Variants in CFAP53 observed in about 807,000 individuals in gnomAD.
CFAP53 encodes cilia- and flagella-associated protein 53.
Under a neutral mutation model 59.7 loss-of-function variants are expected in CFAP53, and 62 were observed. The observed-to-expected ratio is 1.04, with a 90% CI of 0.85 to 1.28. The LOEUF (loss-of-function observed/expected upper bound fraction) is 1.28, where lower values mean the gene tolerates loss of function less well. Ranked by LOEUF, CFAP53 falls within the 50% of genes most tolerant of loss-of-function variation. The pLI is 0.00. For synonymous variants in CFAP53, 218 were observed against 205.7 expected, an observed-to-expected ratio of 1.06 and a Z score of -0.51; for missense variants, 629 against 615.6, an observed-to-expected ratio of 1.02 and a Z score of -0.23.
intron 5 of CFAP53, among the ~76,000 whole-genome samples, chr18:50,249,532 AAAAAAG>A (rs1411741634): frequency 7.9e-5 from 12 of 152,110 alleles, no homozygotes; most frequent in African/African-American, 2.9e-4. Flanking sequence ...AAAAATTAAA[AAAAAAG>A]AAAAAGAAAA....
intron 7 of CFAP53, among the ~76,000 whole-genome samples, chr18:50,234,291 T>C (rs531965531): frequency 6.6e-6 from 1 of 152,354 alleles, no homozygotes; most frequent in South Asian, 2.1e-4. Context: ...TATATAGGAA[T>C]AGGGGTTGAG....
chr18:50,252,394 G>A (rs2033809902), intron 3 of CFAP53, among the ~76,000 whole-genome samples: 3 of 151,686 alleles, frequency 2.0e-5, no homozygotes, highest in African/African-American at 4.8e-5. Flanking sequence ...GTGAGCCACC[G>A]TACCCAGCTG....
At chr18:50,240,475 G>A (rs150307815) in intron 6 of CFAP53, among the ~76,000 whole-genome samples, 20 of 152,284 alleles carry the variant, frequency 1.3e-4, no homozygotes, top group African/African-American at 3.8e-4. Context: ...AGCCAATAGC[G>A]GAATGACACA....
chr18:50,266,173 G>A lies in CFAP53; in HGVS notation c.69+163C>T, dbSNP rs374546150. Reference sequence around the variant, plus strand: ...TGGGTGAGAGGTGGGGTAGATAGGTGAGCGACCTTATCTTCCTTCTTTCAA... The same window carrying A: ...TGGGTGAGAGGTGGGGTAGATAGGTAAGCGACCTTATCTTCCTTCTTTCAA... On this transcript the variant is annotated intron_variant, in intron 1 of 7. Coordinates refer to ENST00000398545, the MANE Select transcript of CFAP53 (RefSeq NM_145020.5). Among the ~76,000 whole-genome samples the A allele has an allele frequency of 8.5e-5, 13 of 152,348 alleles. No homozygotes were observed. The East Asian group carries it at 9.6e-4, about 11-fold the overall frequency.
At chr18:50,232,932 A>G (rs577274626) in intron 7 of CFAP53, among the ~76,000 whole-genome samples, 2 of 152,196 alleles carry the variant, frequency 1.3e-5, no homozygotes, top group Non-Finnish European at 1.5e-5. Flanking sequence ...AAAGGGAAAG[A>G]CAGTTTCTAA....
Position 50,250,777 on chromosome 18 carries a change from T to A in CFAP53, c.977A>T (p.Asp326Val). ...RALQDLQEEA[D>V]KKKQKREDMI... ...TCTTACTCTTTTTTGTTTCTTTTTA[T>A]CTGCCTCTTCCTGTAAGTCTTGAAG... Residue 326 changes from aspartate to valine, a missense_variant, in exon 5 of 8, where the codon GAT becomes GTT. Transcript: ENST00000398545. The A allele has an allele frequency of 6.2e-7, 1 of 1,614,154 alleles. No individual in the cohort carries two copies. Among genetic ancestry groups the A allele is most frequent in the Non-Finnish European group, 8.5e-7 (1 of 1,180,004 alleles).
chr18:50,233,427 G>A (rs1568150326), intron 7 of CFAP53, among the ~76,000 whole-genome samples: 1 of 152,100 alleles, frequency 6.6e-6, no homozygotes, highest in Non-Finnish European at 1.5e-5. Context: ...CTTTTATAAG[G>A]GAGGTAGTTT....
chr18:50,246,980 G>A (rs1165097094), intron 5 of CFAP53, among the ~76,000 whole-genome samples: 1 of 151,964 alleles, frequency 6.6e-6, no homozygotes, highest in Non-Finnish European at 1.5e-5. Context: ...CCTGGGAGGT[G>A]GAGGTTGCAG....
intron 3 of CFAP53, among the ~76,000 whole-genome samples, chr18:50,259,647 A>C (rs745760526): frequency 1.3e-5 from 2 of 152,116 alleles, no homozygotes; most frequent in Non-Finnish European, 2.9e-5. Context: ...TGGCCAGACC[A>C]GTCTTGAACT....
chr18:50,243,618 A>G (rs1223332879), intron 5 of CFAP53, among the ~76,000 whole-genome samples: 1 of 152,088 alleles, frequency 6.6e-6, no homozygotes, highest in Non-Finnish European at 1.5e-5. Context: ...GCAATTCTCA[A>G]TCTTAGCTAC....
rs1486678408 is a variant in CFAP53 at position 50,243,146 on chromosome 18, A to C, written c.997-30T>G. 2.6e-6 allele frequency: 4 copies of C among 1,557,574 alleles called. No homozygotes were observed. In the Admixed American group the frequency reaches 5.1e-5, roughly 20 times the overall value. ...GTAACATAAAAATTCATATTGTTAA[A>C]ATTTTTTGGTGTGATACTATAGTAA... On this transcript the variant is annotated intron_variant, in intron 5 of 7. Transcript: ENST00000398545.
intron 7 of CFAP53, among the ~76,000 whole-genome samples, chr18:50,229,312 T>C (rs2033557243): frequency 6.6e-6 from 1 of 152,198 alleles, no homozygotes; most frequent in Non-Finnish European, 1.5e-5. Context: ...TTTATATGTC[T>C]CATAAAAGTA....
At position 50,252,429 on chromosome 18, in the gene CFAP53, GGTCTCACTCT is replaced by G. The variant is rs568778626; in HGVS notation, c.474-655_474-646del. 2.1e-4 allele frequency among the ~76,000 whole-genome samples: 32 copies of G among 151,714 alleles called. No individual in the cohort carries two copies. The East Asian group carries it at 6.2e-3, about 29-fold the overall frequency. On this transcript the variant is annotated intron_variant, in intron 3 of 7. Coordinates refer to ENST00000398545, the MANE Select transcript of CFAP53 (RefSeq NM_145020.5). ...GCTCACTTTTTTTTTTAAGAGACAA[GGTCTCACTCT>G]GTCGCTCAGGCTGGAATGCAGTGGC...
In CFAP53 at chr18:50,266,354, G is replaced by T; in HGVS notation, c.51C>A (p.Thr17=). 6.2e-7 allele frequency: 1 copy of T among 1,614,242 alleles called. No homozygotes were observed. Among genetic ancestry groups the T allele is most frequent in the African/African-American group, 1.3e-5 (1 of 75,072 alleles). The change falls in exon 1 of 8, where the codon ACC becomes ACA. Residue 17 remains threonine (T), a synonymous_variant. Transcript: ENST00000398545. ...TGCTTACCACGATCACCACTTTGGGGGTGGGGCCCTTAACCTCCCGCTGTA... is the reference window on the plus strand; with the variant it reads ...TGCTTACCACGATCACCACTTTGGGTGTGGGGCCCTTAACCTCCCGCTGTA... The part of the protein sequence containing the change: ...GTVQREVKGP[T]PKVVIVRSKP...
Position 50,261,251 on chromosome 18 carries a change from C to CAAA in CFAP53, c.300-15_300-14insTTT. 1.8e-6 allele frequency: 2 copies of CAAA among 1,110,784 alleles called. No homozygotes were observed. Among genetic ancestry groups the CAAA allele is most frequent in the Admixed American group, 7.9e-5 (1 of 12,588 alleles). 68.8% of individuals were successfully genotyped at this position (1,110,784 alleles called of 1,614,324 possible). On this transcript the variant is annotated splice_polypyrimidine_tract_variant and intron_variant, in intron 2 of 7. Coordinates refer to ENST00000398545, the MANE Select transcript of CFAP53 (RefSeq NM_145020.5). ...AGCTCACGTAGCCTGAAACAAAAAG[C>CAAA]CAAAAAAAAAAAAAAAAAAAGAAAA...
chr18:50,266,223 C>T lies in CFAP53; in HGVS notation c.69+113G>A. 1.4e-5 allele frequency: 13 copies of T among 956,856 alleles called. No individual in the cohort carries two copies. In the South Asian group the frequency reaches 1.6e-4, roughly 12 times the overall value. The allele number at this position is 956,856 out of a possible 1,614,324, so 59.3% of individuals were successfully genotyped here. ...AAATTCAACCCACTGCATCAGGCGA[C>T]ACCCGTTCCCCTCGAGAAGGCCCCG... On this transcript the variant is annotated intron_variant, in intron 1 of 7. Transcript: ENST00000398545.
At chr18:50,242,601 G>C (rs1189544051) in intron 6 of CFAP53, among the ~76,000 whole-genome samples, 1 of 152,180 alleles carries the variant, frequency 6.6e-6, no homozygotes, top group African/African-American at 2.4e-5. Flanking sequence ...GGACAAGGGG[G>C]AGCTGTATGT....
intron 2 of CFAP53, 80 bp from the exon 3 acceptor site, chr18:50,261,317 A>G: frequency 7.5e-7 from 1 of 1,341,764 alleles, no homozygotes; most frequent in Non-Finnish European, 9.7e-7. Context: ...TTTCAGAACT[A>G]TAGGTCTAAT....
intron 3 of CFAP53, among the ~76,000 whole-genome samples, chr18:50,260,599 G>A (rs1243765222): frequency 6.6e-6 from 1 of 152,108 alleles, no homozygotes; most frequent in Non-Finnish European, 1.5e-5. Flanking sequence ...TCAGGAGGTG[G>A]AGGTTGTAGT....
Sources: allele counts gnomAD v4.1 joint callset (sites outside exome capture counted in the v4.1 genomes callset), GRCh38; gene constraint gnomAD v4.1.1; transcripts MANE v1.5; gene names NCBI Gene and HGNC (gene_info 2026-07-23, HGNC 2026-07-21).